Variants in SAMMSON observed in about 807,000 individuals in gnomAD.
The protein encoded by SAMMSON is long intergenic non-protein coding RNA 1212.
At chr3:70,055,064 T>A (rs892394739) in intron 3 of SAMMSON, among the ~76,000 whole-genome samples, 2 of 152,130 alleles carry the variant, frequency 1.3e-5, no homozygotes, top group African/African-American at 2.4e-5. Context: ...GTTGTTTTTT[T>A]AAATGTCCTT....
intron 4 of SAMMSON, among the ~76,000 whole-genome samples, chr3:70,211,353 C>T (rs1701343398): frequency 1.5e-4 from 1 of 6,580 alleles, no homozygotes; most frequent in Non-Finnish European, 1.5e-3. Flanking sequence ...TTTTGCCCTT[C>T]CCTTCCCTTT....
intron 6 of SAMMSON, among the ~76,000 whole-genome samples, chr3:70,283,078 T>C (rs1421450766): frequency 6.6e-6 from 1 of 152,146 alleles, no homozygotes; most frequent in Non-Finnish European, 1.5e-5. Context: ...TATGATTCTC[T>C]CCACCAATAG....
chr3:70,185,058 G>T (rs1701082056), intron 4 of SAMMSON, among the ~76,000 whole-genome samples: 1 of 152,146 alleles, frequency 6.6e-6, no homozygotes, highest in Non-Finnish European at 1.5e-5. Flanking sequence ...TTACTGTATT[G>T]TATCCCAAAT....
intron 7 of SAMMSON, among the ~76,000 whole-genome samples, chr3:70,316,353 A>T (rs557594236): frequency 6.2e-4 from 94 of 152,240 alleles, no homozygotes; most frequent in African/African-American, 2.2e-3. Context: ...ATGTAAGAAG[A>T]TGAAATTAAT....
chr3:70,096,881 A>G (rs762991814), intron 4 of SAMMSON, among the ~76,000 whole-genome samples: 7 of 152,194 alleles, frequency 4.6e-5, no homozygotes, highest in Non-Finnish European at 7.3e-5. Flanking sequence ...AGAGATGTCT[A>G]TGGCCTGGTG....
chr3:70,006,891 T>C (rs1256864408), intron 1 of SAMMSON, among the ~76,000 whole-genome samples: 11 of 147,392 alleles, frequency 7.5e-5, no homozygotes, highest in Admixed American at 4.9e-4. Context: ...AGTGAGAACA[T>C]GTGGTGTTTG....
intron 6 of SAMMSON, among the ~76,000 whole-genome samples, chr3:70,290,366 C>T (rs1483680945): frequency 6.6e-6 from 1 of 152,200 alleles, no homozygotes; most frequent in African/African-American, 2.4e-5. Flanking sequence ...CCCAGTTAGG[C>T]TGCTCGGGGG....
At chr3:70,356,634 T>C (rs1165834125) in intron 8 of SAMMSON, among the ~76,000 whole-genome samples, 1 of 152,208 alleles carries the variant, frequency 6.6e-6, no homozygotes, top group Non-Finnish European at 1.5e-5. Flanking sequence ...CCTTTTGTTT[T>C]TTAAACAAAA....
intron 6 of SAMMSON, among the ~76,000 whole-genome samples, chr3:70,280,816 A>C (rs1349402810): frequency 1.3e-5 from 2 of 152,146 alleles, no homozygotes; most frequent in Non-Finnish European, 2.9e-5. Flanking sequence ...GTCATGAAAC[A>C]CCCATCCCAG....
intron 7 of SAMMSON, among the ~76,000 whole-genome samples, chr3:70,318,376 C>T (rs1177073307): frequency 1.3e-5 from 2 of 151,930 alleles, no homozygotes; most frequent in Non-Finnish European, 2.9e-5. Flanking sequence ...GTCACTAACC[C>T]TTTCTTTTGC....
chr3:70,313,153 A>C (rs1702469612), intron 7 of SAMMSON, among the ~76,000 whole-genome samples: 1 of 152,146 alleles, frequency 6.6e-6, no homozygotes, highest in Admixed American at 6.5e-5. Flanking sequence ...TATGTCATTA[A>C]ATTCTTAGGT....
At position 70,140,686 on chromosome 3, in the gene SAMMSON, G is replaced by C. The variant is rs80116186; in HGVS notation, n.507+69121G>C. Among the ~76,000 whole-genome samples the C allele has an allele frequency of 5.3e-5, 8 of 152,194 alleles. No homozygotes were observed. The South Asian group carries it at 8.3e-4, about 16-fold the overall frequency. On this transcript the variant is annotated intron_variant and non_coding_transcript_variant, in intron 4 of 9. Coordinates refer to ENST00000642114, the Ensembl canonical transcript of SAMMSON. ...AAGTTCTGTGATCTACAAAAACAAG[G>C]TTTCCTCAGCCAAATATCCAATTTC...
chr3:70,237,963 A>T (rs1396380180), intron 4 of SAMMSON, among the ~76,000 whole-genome samples: 1 of 118,926 alleles, frequency 8.4e-6, no homozygotes, highest in Non-Finnish European at 1.6e-5. Flanking sequence ...GGGAAAAGAA[A>T]CTAATTGAGT....
intron 6 of SAMMSON, among the ~76,000 whole-genome samples, chr3:70,284,559 A>G (rs1702122009): frequency 6.6e-6 from 1 of 152,192 alleles, no homozygotes; most frequent in Admixed American, 6.6e-5. Flanking sequence ...ACGGAATACT[A>G]TGCAGCCATA....
At chr3:70,337,084 C>A (rs4057292) in intron 7 of SAMMSON, among the ~76,000 whole-genome samples, 13,535 of 34,224 alleles carry the variant, frequency 0.4, 1,890 homozygotes, top group Middle Eastern at 0.5. Context: ...ACTTAATATT[C>A]TTATTAATAA....
chr3:70,200,462 G>A (rs558170484), intron 4 of SAMMSON, among the ~76,000 whole-genome samples: 1 of 152,160 alleles, frequency 6.6e-6, no homozygotes, highest in East Asian at 1.9e-4. Context: ...CATGGCTCAG[G>A]GCCTTTGCAC....
chr3:70,203,342 G>A (rs938649847), intron 4 of SAMMSON, among the ~76,000 whole-genome samples: 1 of 152,076 alleles, frequency 6.6e-6, no homozygotes, highest in Non-Finnish European at 1.5e-5. Context: ...CCCCCACACT[G>A]AGTTCTTTAA....
intron 4 of SAMMSON, among the ~76,000 whole-genome samples, chr3:70,079,854 G>T (rs563902414): frequency 1.3e-5 from 2 of 152,170 alleles, no homozygotes; most frequent in East Asian, 3.9e-4. Flanking sequence ...TTAACCATCA[G>T]TGCACCAAGC....
intron 7 of SAMMSON, among the ~76,000 whole-genome samples, chr3:70,294,459 C>T (rs940546394): frequency 6.6e-6 from 1 of 151,900 alleles, no homozygotes; most frequent in African/African-American, 2.4e-5. Flanking sequence ...TATTCCCTGA[C>T]AGTTTCAAAA....
Sources: gnomAD v4.1 joint callset for allele counts (sites outside exome capture counted in the v4.1 genomes callset) on GRCh38, gnomAD v4.1.1 for gene constraint, MANE v1.5 for transcripts, NCBI Gene and HGNC (gene_info 2026-07-23, HGNC 2026-07-21) for gene names.